Variants in CEP83 observed in about 807,000 individuals in gnomAD.
CEP83 encodes centrosomal protein of 83 kDa.
Under a neutral mutation model 101.9 loss-of-function variants are expected in CEP83, and 70 were observed. That is an observed-to-expected ratio of 0.69 (90% confidence interval 0.57 to 0.84). The LOEUF (loss-of-function observed/expected upper bound fraction) is 0.84. CEP83 is among the 40% of genes least tolerant of loss of function. The pLI is 0.00. For synonymous variants in CEP83, 264 were observed against 267.9 expected (o/e 0.99, Z 0.14); for missense variants, 715 against 787.2 (o/e 0.91, Z 1.10).
chr12:94,339,181 G>A (rs2059576266), intron 11 of CEP83, among the ~76,000 whole-genome samples: 1 of 152,096 alleles, frequency 6.6e-6, no homozygotes, highest in Admixed American at 6.5e-5. Flanking sequence ...GGGCAGGCTG[G>A]TCTTGAACTC....
downstream of CEP83, chr12:94,307,133 G>A (rs1307021762): frequency 6.6e-6 from 1 of 152,214 alleles, no homozygotes; most frequent in African/African-American, 2.4e-5. Flanking sequence ...GGGTGTCCCT[G>A]TCCAGCTTTC....
At chr12:94,354,818 T>C (rs1459853182) in intron 11 of CEP83, among the ~76,000 whole-genome samples, 1 of 152,090 alleles carries the variant, frequency 6.6e-6, no homozygotes, top group African/African-American at 2.4e-5. Context: ...GAAACCATCC[T>C]GGCCATCATG....
At chr12:94,446,830 C>A (rs921100917) in intron 1 of CEP83, among the ~76,000 whole-genome samples, 2 of 152,146 alleles carry the variant, frequency 1.3e-5, no homozygotes, top group Non-Finnish European at 2.9e-5. Flanking sequence ...AAGAAATAAT[C>A]GCCAAAAACT....
At chr12:94,374,496 G>T (rs183813772) in intron 8 of CEP83, among the ~76,000 whole-genome samples, 57 of 152,262 alleles carry the variant, frequency 3.7e-4, no homozygotes, top group Admixed American at 3.2e-3. Context: ...CTTGTGTTTT[G>T]TATCTATTTT....
the CEP83 span, among the ~76,000 whole-genome samples, chr12:94,274,838 C>T: frequency 6.6e-6 from 1 of 152,204 alleles, no homozygotes; most frequent in Non-Finnish European, 1.5e-5. Flanking sequence ...AGTTTCTCAT[C>T]TGCCACAAGG....
chr12:94,455,298 T>C (rs1372915076), intron 1 of CEP83, among the ~76,000 whole-genome samples: 1 of 152,222 alleles, frequency 6.6e-6, no homozygotes, highest in Non-Finnish European at 1.5e-5. Flanking sequence ...AGAGGCTGAA[T>C]ATGAACATCA....
intron 11 of CEP83, among the ~76,000 whole-genome samples, chr12:94,351,283 G>A (rs2060185042): frequency 6.6e-6 from 1 of 152,142 alleles, no homozygotes; most frequent in Non-Finnish European, 1.5e-5. Context: ...AACAGGCCCT[G>A]AATCCGGTAC....
chr12:94,285,875 C>T, the CEP83 span, among the ~76,000 whole-genome samples: 1 of 152,178 alleles, frequency 6.6e-6, no homozygotes, highest in African/African-American at 2.4e-5. Context: ...TCTTGCTCAG[C>T]TGTGCCTCCC....
the CEP83 span, among the ~76,000 whole-genome samples, chr12:94,285,503 C>G: frequency 1.3e-5 from 2 of 152,186 alleles, no homozygotes; most frequent in Non-Finnish European, 2.9e-5. Context: ...GCTCACTCTC[C>G]TATAGCTCAG....
chr12:94,312,741 A>T (rs1417959280), intron 15 of CEP83, 173 bp downstream of exon 15: 1 of 984,960 alleles, frequency 1.0e-6, no homozygotes, highest in African/African-American at 1.7e-5. Context: ...TTTGGTTTAA[A>T]GAAACATTCA....
chr12:94,328,229 T>G (rs1399279461), intron 14 of CEP83: 1 of 304,392 alleles, frequency 3.3e-6, no homozygotes, highest in African/African-American at 2.3e-5. Context: ...GAGATCTCTC[T>G]TCAATGGGGG....
intron 2 of CEP83, among the ~76,000 whole-genome samples, chr12:94,427,616 A>G (rs950028296): frequency 2.6e-5 from 4 of 152,246 alleles, no homozygotes; most frequent in African/African-American, 9.6e-5. Flanking sequence ...TCAAAAAAGC[A>G]CAGCTGCTGA....
the CEP83 span, among the ~76,000 whole-genome samples, chr12:94,284,574 A>C: frequency 6.6e-6 from 1 of 152,070 alleles, no homozygotes; most frequent in Non-Finnish European, 1.5e-5. Flanking sequence ...ATTTCGCCCC[A>C]TTCTATCCTA....
chr12:94,368,393 G>A (rs1015199059), intron 9 of CEP83, 192 bp from the exon 10 acceptor site: 16 of 530,132 alleles, frequency 3.0e-5, no homozygotes, highest in African/African-American at 2.5e-4. Flanking sequence ...AAAACTCAGA[G>A]CAAATTTTCC....
chr12:94,314,700 T>G (rs1970391599), intron 14 of CEP83, among the ~76,000 whole-genome samples: 1 of 152,220 alleles, frequency 6.6e-6, no homozygotes, highest in Non-Finnish European at 1.5e-5. Flanking sequence ...TTGTCCCACA[T>G]CCTCCAACAT....
the CEP83 span, among the ~76,000 whole-genome samples, chr12:94,276,051 A>G: frequency 6.6e-6 from 1 of 152,154 alleles, no homozygotes; most frequent in Admixed American, 6.5e-5. Flanking sequence ...TTTTACATCC[A>G]GTTAAGGGTG....
At chr12:94,368,359 CTT>C in intron 9 of CEP83, 158 bp from the exon 10 acceptor site, 1 of 588,740 alleles carries the variant, frequency 1.7e-6, no homozygotes, top group South Asian at 2.6e-5. Flanking sequence ...AATAAACACT[CTT>C]AAAATAAGAA....
chr12:94,269,359 T>C, the CEP83 span, among the ~76,000 whole-genome samples: 2 of 152,312 alleles, frequency 1.3e-5, no homozygotes, highest in East Asian at 3.9e-4. Flanking sequence ...TGCCTCCAAT[T>C]TGATTTATTG....
At chr12:94,298,857 A>G in the CEP83 span, 1 of 1,437,288 alleles carries the variant, frequency 7.0e-7, no homozygotes, top group Non-Finnish European at 9.6e-7. Context: ...TAACTAAAAG[A>G]AAGACATAGA....
Sources: allele counts gnomAD v4.1 joint callset (sites outside exome capture counted in the v4.1 genomes callset), GRCh38; gene constraint gnomAD v4.1.1; transcripts MANE v1.5; gene names NCBI Gene and HGNC (gene_info 2026-07-23, HGNC 2026-07-21).